Variants in PPP1R9A observed in about 807,000 individuals in gnomAD.
PPP1R9A encodes the protein protein phosphatase 1 regulatory subunit 9A.
In PPP1R9A, 59 loss-of-function variants were observed where a neutral mutation model predicts 141.9. The ratio of observed to expected loss-of-function variants is 0.42; its 90% confidence interval spans 0.34 to 0.52. The LOEUF is 0.52. PPP1R9A is among the 20% of genes least tolerant of loss of function. PPP1R9A has a pLI of 0.10. For missense variants in PPP1R9A, 1,444 were observed against 1,611.9 expected (o/e 0.90, Z 1.78); for synonymous variants, 500 against 569.7 (o/e 0.88, Z 1.74).
At chr7:95,017,914 A>G (rs1211124817) in intron 2 of PPP1R9A, among the ~76,000 whole-genome samples, 1 of 152,174 alleles carries the variant, frequency 6.6e-6, no homozygotes, top group African/African-American at 2.4e-5. Flanking sequence ...CTTTCCAAAG[A>G]CATTTGTATA....
chr7:95,255,618 T>C (rs1799474951), intron 12 of PPP1R9A, among the ~76,000 whole-genome samples: 1 of 152,168 alleles, frequency 6.6e-6, no homozygotes, highest in Non-Finnish European at 1.5e-5. Context: ...CTGCAAGGTA[T>C]ATGATTTGTG....
intron 12 of PPP1R9A, among the ~76,000 whole-genome samples, chr7:95,255,164 G>C (rs1799405936): frequency 1.3e-5 from 2 of 152,048 alleles, no homozygotes; most frequent in African/African-American, 4.8e-5. Flanking sequence ...TCATTTCTTA[G>C]TGCCTAAATA....
intron 5 of PPP1R9A, among the ~76,000 whole-genome samples, chr7:95,180,348 C>T (rs1303292986): frequency 2.0e-5 from 3 of 152,102 alleles, no homozygotes; most frequent in African/African-American, 4.8e-5. Flanking sequence ...AAACTGGATC[C>T]TCATCTCTCA....
intron 2 of PPP1R9A, among the ~76,000 whole-genome samples, chr7:94,993,989 G>C (rs947403142): frequency 3.3e-5 from 5 of 152,138 alleles, no homozygotes; most frequent in African/African-American, 1.2e-4. Context: ...CCCATTACAA[G>C]GTTTATGGCT....
intron 12 of PPP1R9A, among the ~76,000 whole-genome samples, chr7:95,255,566 G>A (rs1320717454): frequency 2.0e-5 from 3 of 152,110 alleles, no homozygotes; most frequent in Non-Finnish European, 4.4e-5. Context: ...AAGAGAAAGT[G>A]GCTACTAGGC....
At chr7:95,099,371 G>C (rs566406911) in intron 2 of PPP1R9A, among the ~76,000 whole-genome samples, 62 of 152,282 alleles carry the variant, frequency 4.1e-4, no homozygotes, top group Middle Eastern at 3.4e-3. Flanking sequence ...CTGGCCACCA[G>C]TTGTCAGTTA....
At chr7:95,112,723 A>G (rs769147938) in intron 3 of PPP1R9A, among the ~76,000 whole-genome samples, 2 of 152,216 alleles carry the variant, frequency 1.3e-5, no homozygotes, top group Admixed American at 6.5e-5. Context: ...TGTATACACT[A>G]TGGACTACTG....
chr7:95,262,189 C>T (rs1418218497), intron 12 of PPP1R9A, among the ~76,000 whole-genome samples: 1 of 152,166 alleles, frequency 6.6e-6, no homozygotes, highest in African/African-American at 2.4e-5. Flanking sequence ...AAAGACACTA[C>T]AATATCAATG....
At chr7:95,272,986 C>A (rs1019610098) in intron 14 of PPP1R9A, among the ~76,000 whole-genome samples, 1 of 152,140 alleles carries the variant, frequency 6.6e-6, no homozygotes, top group African/African-American at 2.4e-5. Context: ...TATGCTGAAA[C>A]GTGATGCCGA....
intron 2 of PPP1R9A, among the ~76,000 whole-genome samples, chr7:94,966,704 G>A (rs756800897): frequency 3.3e-5 from 5 of 152,150 alleles, no homozygotes; most frequent in African/African-American, 1.2e-4. Context: ...ATGTGCTGCT[G>A]GATTTGGTTT....
intron 2 of PPP1R9A, among the ~76,000 whole-genome samples, chr7:95,083,795 A>G (rs971336910): frequency 2.0e-5 from 3 of 152,040 alleles, no homozygotes; most frequent in Non-Finnish European, 4.4e-5. Flanking sequence ...ATGAAAAAAT[A>G]TTTGAAGAAA....
chr7:95,140,359 C>G (rs927489538), intron 4 of PPP1R9A, among the ~76,000 whole-genome samples: 1 of 152,144 alleles, frequency 6.6e-6, no homozygotes, highest in Non-Finnish European at 1.5e-5. Flanking sequence ...AATATTTAAT[C>G]CATTAATTAA....
chr7:94,969,440 C>T (rs946987880), intron 2 of PPP1R9A, among the ~76,000 whole-genome samples: 4 of 152,022 alleles, frequency 2.6e-5, no homozygotes, highest in Non-Finnish European at 4.4e-5. Context: ...GCAGGTCTAC[C>T]CCAGAGCCTG....
chr7:95,084,052 A>G (rs1360334738), intron 2 of PPP1R9A, among the ~76,000 whole-genome samples: 3 of 152,092 alleles, frequency 2.0e-5, no homozygotes, highest in African/African-American at 4.8e-5. Context: ...AAAACAAGGC[A>G]AAGACATCTT....
intron 2 of PPP1R9A, among the ~76,000 whole-genome samples, chr7:94,976,464 C>G (rs1799460108): frequency 6.6e-6 from 1 of 151,830 alleles, no homozygotes; most frequent in African/African-American, 2.4e-5. Flanking sequence ...CCTCAGCCTC[C>G]CGAGTAGCTG....
intron 5 of PPP1R9A, among the ~76,000 whole-genome samples, chr7:95,194,429 C>T (rs1835935725): frequency 6.6e-6 from 1 of 152,010 alleles, no homozygotes; most frequent in South Asian, 2.1e-4. Flanking sequence ...ACTCTTACCC[C>T]TTCTTTTTAA....
In PPP1R9A at chr7:95,167,125, A is replaced by G. The variant is rs971837150; in HGVS notation, c.1754+5154A>G. ...CCATGTGGCTGGGGGAGGCCTCACA[A>G]TCATGGTGGAAGGCAAGGAGGAGCA... is the stretch of plus-strand genomic sequence containing the variant. On this transcript the variant is annotated intron_variant, in intron 5 of 19. Transcript: ENST00000433360. Among the ~76,000 whole-genome samples the G allele has an allele frequency of 5.3e-5, 8 of 152,312 alleles. No individual in the cohort carries two copies. The South Asian group carries it at 1.4e-3, about 28-fold the overall frequency.
chr7:94,969,493 T>C (rs1228874580), intron 2 of PPP1R9A, among the ~76,000 whole-genome samples: 1 of 152,096 alleles, frequency 6.6e-6, no homozygotes, highest in Non-Finnish European at 1.5e-5. Flanking sequence ...ACAGCAAAGA[T>C]TGCTGCCTGT....
At chr7:94,914,529 T>C (rs1791832550) in intron 2 of PPP1R9A, among the ~76,000 whole-genome samples, 1 of 152,210 alleles carries the variant, frequency 6.6e-6, no homozygotes, top group South Asian at 2.1e-4. Flanking sequence ...ATTAGATAGA[T>C]TGTTATGTTT....
Sources: allele counts gnomAD v4.1 joint callset (sites outside exome capture counted in the v4.1 genomes callset), GRCh38; gene constraint gnomAD v4.1.1; transcripts MANE v1.5; gene names NCBI Gene and HGNC (gene_info 2026-07-23, HGNC 2026-07-21).